MPDZ: variants seen among roughly 807,000 people sequenced by gnomAD.
MPDZ encodes multiple PDZ domain protein.
MPDZ carries 234 observed loss-of-function variants against 239.1 expected under a neutral mutation model. The observed-to-expected ratio is 0.98, with a 90% confidence interval of 0.88 to 1.09. The LOEUF (loss-of-function observed/expected upper bound fraction) is 1.09. Ranked by LOEUF, MPDZ falls within the 50% of genes least tolerant of loss-of-function variation. The pLI is 0.00. For synonymous variants in MPDZ, 1,048 were observed against 881.3 expected (o/e 1.19, Z -3.35); for missense variants, 3,175 against 2,510.0 (o/e 1.26, Z -5.66).
intron 1 of MPDZ, among the ~76,000 whole-genome samples, chr9:13,261,822 A>G (rs1047516335): frequency 6.7e-6 from 1 of 150,074 alleles, no homozygotes; most frequent in African/African-American, 2.5e-5. Context: ...ACTTTTAGCC[A>G]GGAGCTCAAA....
rs80107429 is a variant in MPDZ at position 13,181,587 on chromosome 9, T to C, written c.2649+1831A>G. Among the ~76,000 whole-genome samples, 386 of 152,274 alleles carry C rather than the reference T, an allele frequency of 2.5e-3. 2 individuals carry two copies. The highest frequency in any genetic ancestry group is 8.9e-3 in the African/African-American group (369 of 41,568). ...TCTTTGTTGTTTTGTAGTTTAAGTA[T>C]TTCAGTTGATAAACGAGCTTGCCAA... is the stretch of plus-strand genomic sequence containing the variant. On this transcript the variant is annotated intron_variant, in intron 19 of 46. Coordinates refer to ENST00000319217, the MANE Select transcript of MPDZ (RefSeq NM_001378778.1).
chr9:13,212,791 T>TAAAAAAAAAAAAAAAAAAAAAA, intron 10 of MPDZ, among the ~76,000 whole-genome samples: 1 of 110,590 alleles, frequency 9.0e-6, no homozygotes, highest in Non-Finnish European at 1.8e-5. Flanking sequence ...GGTCAAGGTT[T>TAAAAAAAAAAAAAAAAAAAAAA]AAAAAAAAAA....
At position 13,119,543 on chromosome 9, in the gene MPDZ, C is replaced by T. The variant is rs202112833; in HGVS notation, c.5338G>A (p.Val1780Ile). The change falls in exon 39 of 47, where the codon GTT (valine) becomes ATT (isoleucine). Residue 1780 changes from valine (V) to isoleucine (I), a missense_variant. Physicochemically the swap from Val to Ile is conservative, Grantham distance 29. Coordinates refer to ENST00000319217, the MANE Select transcript of MPDZ (RefSeq NM_001378778.1). ...DQILMVNGED[V>I]RNATQEAVAA... The stretch of plus-strand genomic sequence containing the variant: ...ACCGCTTCTTGGGTGGCATTACGAA[C>T]GTCTTCCCCATTCACCATTAATATC... The T allele has an allele frequency of 2.3e-4, 376 of 1,613,388 alleles. No homozygotes were observed. The highest frequency in any genetic ancestry group is 7.4e-4 in the South Asian group (67 of 90,870).
rs569306624 is a variant in MPDZ, at chr9:13,190,138, A to C, written c.2130T>G (p.Leu710=). Residue 710 remains leucine (L), a synonymous_variant, in exon 16 of 47, where the codon CTT becomes CTG. Coordinates refer to ENST00000319217, the MANE Select transcript of MPDZ (RefSeq NM_001378778.1). ...CCTGATAATCTAAAATGCTAAAACC[A>C]AGTCCTTTGCTCCCTTTCTCCAGCT... ...HIELEKGSKG[L]GFSILDYQDP... The C allele has an allele frequency of 3.7e-6, 6 of 1,612,852 alleles. No individual in the cohort carries two copies. Among genetic ancestry groups the C allele is most frequent in the Non-Finnish European group, 5.1e-6 (6 of 1,179,430 alleles).
intron 32 of MPDZ, among the ~76,000 whole-genome samples, chr9:13,128,682 A>G (rs761981962): frequency 8.5e-5 from 13 of 152,208 alleles, no homozygotes; most frequent in Non-Finnish European, 1.5e-4. Context: ...TTACAGTCCC[A>G]TGGTCACAGT....
chr9:13,219,865 A>G (rs1958864044), intron 7 of MPDZ, 97 bp from the exon 8 acceptor site: 7 of 1,150,066 alleles, frequency 6.1e-6, no homozygotes, highest in South Asian at 1.4e-5. Flanking sequence ...AAGCAATAAT[A>G]TGAGTTACCA....
intron 28 of MPDZ, among the ~76,000 whole-genome samples, chr9:13,138,966 A>T (rs377658328): frequency 1.3e-5 from 2 of 152,232 alleles, no homozygotes; most frequent in South Asian, 4.1e-4. Flanking sequence ...GGGTGGCTTC[A>T]TAATAGAAAA....
At position 13,202,524 on chromosome 9, in the gene MPDZ, C is replaced by T. The variant is rs562910443; in HGVS notation, c.1546+2512G>A. On this transcript the variant is annotated intron_variant, in intron 12 of 46. Transcript: ENST00000319217. ...TACCCACTTATCAGAGTGCAGAATA[C>T]CTGCCAAGATACATGCCAGTCACTG... 3.9e-5 allele frequency among the ~76,000 whole-genome samples: 6 copies of T among 152,276 alleles called. No individual in the cohort carries two copies. In the East Asian group the frequency reaches 1.2e-3, roughly 29 times the overall value.
chr9:13,169,156 T>C (rs1951471280), intron 21 of MPDZ, among the ~76,000 whole-genome samples: 1 of 152,164 alleles, frequency 6.6e-6, no homozygotes, highest in Admixed American at 6.5e-5. Flanking sequence ...TGGGAAAGTA[T>C]AACAGTTTGT....
chr9:13,228,449 C>G (rs1450317559), intron 3 of MPDZ, among the ~76,000 whole-genome samples: 1 of 151,876 alleles, frequency 6.6e-6, no homozygotes, highest in Non-Finnish European at 1.5e-5. Flanking sequence ...GCAGTCAGAA[C>G]CAGTATTGAT....
intron 1 of MPDZ, among the ~76,000 whole-genome samples, chr9:13,270,360 T>C (rs1372271558): frequency 6.6e-6 from 1 of 152,196 alleles, no homozygotes; most frequent in Non-Finnish European, 1.5e-5. Flanking sequence ...TAACAGGTTT[T>C]CATAACAGAA....
At chr9:13,116,488 G>A (rs1280336634) in intron 39 of MPDZ, among the ~76,000 whole-genome samples, 1 of 152,126 alleles carries the variant, frequency 6.6e-6, no homozygotes, top group Non-Finnish European at 1.5e-5. Flanking sequence ...TTCTGAAGAT[G>A]TTGATCATGA....
At chr9:13,215,775 G>A (rs9697033) in intron 10 of MPDZ, among the ~76,000 whole-genome samples, 1 of 37,524 alleles carries the variant, frequency 2.7e-5, no homozygotes, top group Non-Finnish European at 5.4e-5. Flanking sequence ...TTTTTTTTTT[G>A]TCTTTTTTTA....
intron 6 of MPDZ, among the ~76,000 whole-genome samples, 186 bp downstream of exon 6, chr9:13,222,047 G>A (rs1400124148): frequency 6.6e-6 from 1 of 152,050 alleles, no homozygotes; most frequent in Admixed American, 6.6e-5. Flanking sequence ...AAAAGTAATT[G>A]TTGTTTTAGA....
chr9:13,131,871 T>C (rs76786864), intron 32 of MPDZ, among the ~76,000 whole-genome samples: 3,005 of 152,278 alleles, frequency 0.02, 106 homozygotes, highest in South Asian at 0.095. Context: ...CTGCTCACCA[T>C]GGAACAAATG....
chr9:13,184,612 T>A, intron 18 of MPDZ, among the ~76,000 whole-genome samples: 1 of 151,984 alleles, frequency 6.6e-6, no homozygotes. Flanking sequence ...TGAGTCACTA[T>A]GTGGAGGTTT....
rs778187717 is a variant in MPDZ at position 13,113,993 on chromosome 9, G to C, written c.5495C>G (p.Thr1832Ser). ...QVSEGSLSSFTFPLSGSSTSE... is the reference protein window; with the variant it reads ...QVSEGSLSSFSFPLSGSSTSE... Reference sequence around the variant, plus strand: ...TGTACTGGATCCAGAGAGTGGAAAAGTGAAAGATGACAGGCTGCCTTCACT... The same window carrying C: ...TGTACTGGATCCAGAGAGTGGAAAACTGAAAGATGACAGGCTGCCTTCACT... Residue 1832 changes from threonine (T) to serine (S), a missense_variant, in exon 41 of 47, where the codon ACT (threonine) becomes AGT (serine). Transcript: ENST00000319217. 6.3e-6 allele frequency: 10 copies of C among 1,597,686 alleles called. No homozygotes were observed. The highest frequency in any genetic ancestry group is 1.7e-5 in the Admixed American group (1 of 57,874).
intron 19 of MPDZ, among the ~76,000 whole-genome samples, chr9:13,182,921 T>TAAA (rs1953555625): frequency 6.6e-6 from 1 of 152,190 alleles, no homozygotes; most frequent in Non-Finnish European, 1.5e-5. Flanking sequence ...TACCATTCAC[T>TAAA]GTGATTTTTT....
At chr9:13,185,922 C>G (rs995139900) in intron 18 of MPDZ, among the ~76,000 whole-genome samples, 3 of 151,918 alleles carry the variant, frequency 2.0e-5, no homozygotes, top group African/African-American at 7.2e-5. Flanking sequence ...ACAGCCAAAA[C>G]AGTGATTTAT....
Sources: allele counts gnomAD v4.1 joint callset (sites outside exome capture counted in the v4.1 genomes callset), GRCh38; gene constraint gnomAD v4.1.1; transcripts MANE v1.5; gene names NCBI Gene and HGNC (gene_info 2026-07-23, HGNC 2026-07-21).